Variants in PLD4 observed in about 807,000 individuals in gnomAD.
The protein encoded by PLD4 is phospholipase D family member 4.
In PLD4, 54 loss-of-function variants were observed where a neutral mutation model predicts 52.3. That is an observed-to-expected ratio of 1.03 (90% confidence interval 0.83 to 1.30). The LOEUF (loss-of-function observed/expected upper bound fraction) is 1.30. PLD4 is among the 50% of genes most tolerant of loss of function. The pLI, the probability that PLD4 is intolerant of heterozygous loss-of-function variation, is 0.00. For missense variants in PLD4, 731 were observed against 671.1 expected, an observed-to-expected ratio of 1.09 and a Z score of -0.99; for synonymous variants, 264 against 286.5, an observed-to-expected ratio of 0.92 and a Z score of 0.79.
chr14:104,928,212 C>T (rs545668142), intron 3 of PLD4, among the ~76,000 whole-genome samples: 6 of 152,226 alleles, frequency 3.9e-5, no homozygotes, highest in East Asian at 1.9e-4. Context: ...TCTTTCCCTG[C>T]GGTTGGGGTC....
In PLD4 at chr14:104,932,904, G is replaced by A. The variant is rs776849709; in HGVS notation, c.1461G>A (p.Ser487=). 6.2e-7 allele frequency: 1 copy of A among 1,602,348 alleles called. No homozygotes were observed. ...AGCTCTTTGAGCGGGACTGGAGTTC[G>A]CGCTACGCCGTCGGCCTGGACGGAC... ...LRQLFERDWS[S]RYAVGLDGQA... is the part of the protein sequence containing the mutation. Residue 487 remains serine (S), a synonymous_variant, in exon 11 of 11, where the codon TCG becomes TCA. Transcript: ENST00000392593. The surrounding 1 kb of genome is among the most constrained non-coding windows in gnomAD (Gnocchi z 6.5).
intron 2 of PLD4, among the ~76,000 whole-genome samples, chr14:104,927,470 CT>C (rs972642053): frequency 2.6e-5 from 4 of 152,212 alleles, no homozygotes; most frequent in African/African-American, 7.2e-5. Context: ...TGCAGGCCCC[CT>C]GACCCCTGCC....
chr14:104,931,761 C>A lies in PLD4; in HGVS notation c.932C>A (p.Ala311Glu). 4 of 1,588,550 alleles carry A rather than the reference C, an allele frequency of 2.5e-6. No homozygotes were observed. Among genetic ancestry groups the A allele is most frequent in the Non-Finnish European group, 3.4e-6 (4 of 1,168,260 alleles). Residue 311 changes from alanine (A) to glutamate (E), a missense_variant, in exon 8 of 11, where the codon GCA (alanine) becomes GAA (glutamate). Transcript: ENST00000392593. Reference protein sequence around the residue: ...TTAYFSASPPALCPQGRTRDL... With the variant: ...TTAYFSASPPELCPQGRTRDL... ...CTCCCGTCACAGGCGTCGCCACCAG[C>A]ACTCTGTCCCCAGGGCCGCACCCGG...
chr14:104,927,056 G>A (rs1488442697), intron 1 of PLD4, 85 bp from the exon 2 acceptor site: 1 of 1,298,346 alleles, frequency 7.7e-7, no homozygotes, highest in Non-Finnish European at 1.0e-6. Context: ...GTGCAGGGGT[G>A]TCCCCAGTGC....
At chr14:104,926,930 G>A (rs1042927391) in intron 1 of PLD4, among the ~76,000 whole-genome samples, 2 of 152,220 alleles carry the variant, frequency 1.3e-5, no homozygotes, top group Non-Finnish European at 2.9e-5. Context: ...GTGACATGTG[G>A]CCGGCTGCGG....
In PLD4 at chr14:104,932,760, C is replaced by T. The variant is rs1416297296; in HGVS notation, c.1322-5C>T. ...GCCCCAGTGTCTCCTCCATCCTCCC[C>T]GCAGGCACCTCCAACTGGTCGGAGG... On this transcript the variant is annotated splice_polypyrimidine_tract_variant and splice_region_variant and intron_variant, in intron 10 of 10. Transcript: ENST00000392593. This position sits in a 1 kb window ranked among gnomAD's most constrained non-coding sequence, Gnocchi z 6.5. 1.3e-6 allele frequency: 2 copies of T among 1,549,572 alleles called. No individual in the cohort carries two copies. Among genetic ancestry groups the T allele is most frequent in the East Asian group, 2.4e-5 (1 of 42,446 alleles).
At chr14:104,928,685 G>A in intron 3 of PLD4, 64 bp from the exon 4 acceptor site, 1 of 1,464,022 alleles carries the variant, frequency 6.8e-7, no homozygotes, top group African/African-American at 1.4e-5. Context: ...GGATGGGGCA[G>A]GTGATGTGAG....
intron 1 of PLD4, among the ~76,000 whole-genome samples, chr14:104,926,866 C>T (rs2140795524): frequency 6.6e-6 from 1 of 152,354 alleles, no homozygotes; most frequent in South Asian, 2.1e-4. Flanking sequence ...CAGGCTCAGC[C>T]CTGGGGACCG....
chr14:104,936,334 G>T (rs1303473545), downstream of PLD4: 1 of 152,226 alleles, frequency 6.6e-6, no homozygotes, highest in Non-Finnish European at 1.5e-5. Flanking sequence ...TGCTTAACTG[G>T]GATGAGTGTC....
rs1246901196 is a variant in PLD4, at chr14:104,932,910, C to T, written c.1467C>T (p.Tyr489=). The part of the protein sequence containing the change: ...QLFERDWSSR[Y]AVGLDGQAPG... ...TTGAGCGGGACTGGAGTTCGCGCTA[C>T]GCCGTCGGCCTGGACGGACAGGCTC... The change falls in exon 11 of 11, where the codon TAC becomes TAT. Residue 489 remains tyrosine (Y), a synonymous_variant. Coordinates refer to ENST00000392593, the MANE Select transcript of PLD4 (RefSeq NM_138790.5). This position sits in a 1 kb window ranked among gnomAD's most constrained non-coding sequence, Gnocchi z 6.5. The T allele has an allele frequency of 6.2e-7, 1 of 1,602,032 alleles. No individual in the cohort carries two copies.
Position 104,932,477 on chromosome 14 carries a change from G to A in PLD4, c.1321+122G>A. On this transcript the variant is annotated intron_variant, in intron 10 of 10. Transcript: ENST00000392593. The surrounding 1 kb of genome is among the most constrained non-coding windows in gnomAD (Gnocchi z 6.5). ...GAGGGGCTGCTGCTGAAGGGGGACG[G>A]GGTCTCCATGGAGTTCCGGGGACCA... 1 of 1,133,150 alleles carries A rather than the reference G, an allele frequency of 8.8e-7. No homozygotes were observed. The highest frequency in any genetic ancestry group is 1.3e-6 in the Non-Finnish European group (1 of 793,402). 70.2% of individuals were successfully genotyped at this position (1,133,150 alleles called of 1,614,324 possible). A position where few individuals can be genotyped will look rare whatever the true frequency, so the allele number is the denominator to read the frequency against.
chr14:104,927,615 C>T, intron 2 of PLD4, 58 bp from the exon 3 acceptor site: 1 of 1,475,626 alleles, frequency 6.8e-7, no homozygotes, highest in Non-Finnish European at 9.0e-7. Context: ...CCATCGTGGC[C>T]CAGCCAGAAG....
rs980452281 is a variant in PLD4 at position 104,932,124 on chromosome 14, C to G, written c.1171C>G (p.Leu391Val). 1.9e-6 allele frequency: 3 copies of G among 1,611,510 alleles called. No homozygotes were observed. Among genetic ancestry groups the G allele is most frequent in the South Asian group, 1.1e-5 (1 of 90,980 alleles). ...CACGGACCCCACCATGTTCCCCTAC[C>G]TGCGGTCCCTGCAGGCGCTCAGCAA... is the stretch of plus-strand genomic sequence containing the variant. ...LNTDPTMFPY[L>V]RSLQALSNPA... The change falls in exon 9 of 11, where the codon CTG becomes GTG. Residue 391 changes from leucine (L) to valine (V), a missense_variant. Coordinates refer to ENST00000392593, the MANE Select transcript of PLD4 (RefSeq NM_138790.5). This position sits in a 1 kb window ranked among gnomAD's most constrained non-coding sequence, Gnocchi z 6.5.
At position 104,928,808 on chromosome 14, in the gene PLD4, C is replaced by A. The variant is rs966807617; in HGVS notation, c.344C>A (p.Ala115Asp). The A allele has an allele frequency of 3.1e-6, 5 of 1,610,988 alleles. No individual in the cohort carries two copies. ...DLPSAAGSPS[A>D]QPLGQAWLQL... ...CCATCTGCAGCCGGCAGCCCCTCTG[C>A]CCAGCCTCTGGGCCAGGCCTGGCTG... The change falls in exon 4 of 11, where the codon GCC (alanine) becomes GAC (aspartate). Residue 115 changes from alanine to aspartate, a missense_variant. Ala to Asp is a moderately radical substitution (Grantham distance 126). Coordinates refer to ENST00000392593, the MANE Select transcript of PLD4 (RefSeq NM_138790.5).
chr14:104,927,289 C>G, intron 2 of PLD4, 59 bp downstream of exon 2: 6 of 1,390,926 alleles, frequency 4.3e-6, no homozygotes, highest in Non-Finnish European at 5.8e-6. Context: ...TCAAGAGCTC[C>G]GAGCCAGAGT....
chr14:104,931,338 C>T (rs1369276996), intron 7 of PLD4, among the ~76,000 whole-genome samples: 1 of 152,078 alleles, frequency 6.6e-6, no homozygotes, highest in Non-Finnish European at 1.5e-5. Context: ...GAGGGGTGGG[C>T]AGATCCTCCT....
chr14:104,930,067 A>C lies in PLD4; in HGVS notation c.679A>C (p.Met227Leu). 1 of 1,613,520 alleles carries C rather than the reference A, an allele frequency of 6.2e-7. No individual in the cohort carries two copies. The highest frequency in any genetic ancestry group is 1.1e-5 in the South Asian group (1 of 91,082). The part of the protein sequence containing the change: ...FWVVDGRHIY[M>L]GSANMDWRSL... Reference sequence around the variant, plus strand: ...GGTTGTGGATGGACGGCACATATACATGGGCAGTGCCAACATGGACTGGCG... The same window carrying C: ...GGTTGTGGATGGACGGCACATATACCTGGGCAGTGCCAACATGGACTGGCG... The change falls in exon 6 of 11, where the codon ATG (methionine) becomes CTG (leucine). Residue 227 changes from methionine to leucine, a missense_variant. Coordinates refer to ENST00000392593, the MANE Select transcript of PLD4 (RefSeq NM_138790.5).
chr14:104,935,587 G>C (rs975553238), downstream of PLD4: 1 of 152,226 alleles, frequency 6.6e-6, no homozygotes. Context: ...CCTGTGCCTT[G>C]TTGTAACCAA....
downstream of PLD4, chr14:104,934,937 G>A (rs1189988482): frequency 6.6e-6 from 1 of 152,276 alleles, no homozygotes; most frequent in Admixed American, 6.5e-5. Context: ...GCTTGCTGCA[G>A]ATGCTGCAGG....
Sources: allele counts gnomAD v4.1 joint callset (sites outside exome capture counted in the v4.1 genomes callset), GRCh38; gene constraint gnomAD v4.1.1; non-coding constraint Gnocchi (gnomAD v3.1); transcripts MANE v1.5; gene names NCBI Gene and HGNC (gene_info 2026-07-23, HGNC 2026-07-21).